LRRC74A: variants seen among roughly 807,000 people sequenced by gnomAD.
LRRC74A encodes leucine-rich repeat-containing protein 74A.
Under a neutral mutation model 57.9 loss-of-function variants are expected in LRRC74A, and 44 were observed. That is an observed-to-expected ratio of 0.76 (90% CI 0.60 to 0.98). LRRC74A has a LOEUF of 0.98. Ranked by LOEUF, LRRC74A falls within the 50% of genes least tolerant of loss-of-function variation. The pLI, the probability that LRRC74A is intolerant of heterozygous loss-of-function variation, is 0.00. For missense variants in LRRC74A, 572 were observed against 574.0 expected (o/e 1.00, Z 0.04); for synonymous variants, 211 against 219.4 (o/e 0.96, Z 0.34).
intron 11 of LRRC74A, among the ~76,000 whole-genome samples, chr14:76,862,443 TCGC>T (rs1898384113): frequency 6.6e-6 from 1 of 151,808 alleles, no homozygotes; most frequent in Non-Finnish European, 1.5e-5. Flanking sequence ...GGCACAAGAA[TCGC>T]TCGACGCTTG....
chr14:76,856,748 GTGGA>G lies in LRRC74A; in HGVS notation c.958-613_958-610del, dbSNP rs761581286. Among the ~76,000 whole-genome samples, 51 of 146,966 alleles carry G rather than the reference GTGGA, an allele frequency of 3.5e-4. 1 individual carries two copies. The highest frequency in any genetic ancestry group is 1.4e-3 in the Admixed American group (20 of 14,694). On this transcript the variant is annotated intron_variant, in intron 9 of 13. Transcript: ENST00000689127. The stretch of plus-strand genomic sequence containing the variant: ...GATGAGCAGTGAGATGGATAAGTGA[GTGGA>G]TGGATGGATGGATGGATGAGCAGTG...
intron 10 of LRRC74A, among the ~76,000 whole-genome samples, chr14:76,860,237 C>A (rs1055878249): frequency 1.3e-5 from 2 of 152,202 alleles, no homozygotes; most frequent in East Asian, 1.9e-4. Context: ...TCCTACAAAC[C>A]AGCTCTGAGG....
intron 5 of LRRC74A, among the ~76,000 whole-genome samples, chr14:76,838,653 G>C (rs1896538184): frequency 6.6e-6 from 1 of 152,152 alleles, no homozygotes; most frequent in African/African-American, 2.4e-5. Flanking sequence ...TAACTCCTAA[G>C]AAAGGTATAT....
intron 5 of LRRC74A, among the ~76,000 whole-genome samples, chr14:76,839,514 A>T (rs767115984): frequency 6.6e-6 from 1 of 152,236 alleles, no homozygotes; most frequent in Non-Finnish European, 1.5e-5. Flanking sequence ...TGTGAAGATT[A>T]AGTGAATTAA....
At chr14:76,829,971 G>A (rs1895857070) in intron 2 of LRRC74A, among the ~76,000 whole-genome samples, 1 of 152,150 alleles carries the variant, frequency 6.6e-6, no homozygotes, top group South Asian at 2.1e-4. Flanking sequence ...TGCACCAAGG[G>A]GACATTGGGC....
At chr14:76,856,796 A>ATGGG in intron 9 of LRRC74A, among the ~76,000 whole-genome samples, 1 of 147,136 alleles carries the variant, frequency 6.8e-6, no homozygotes, top group Non-Finnish European at 1.5e-5. Context: ...AAGTGAGTGG[A>ATGGG]TGGATGGATG....
intron 7 of LRRC74A, among the ~76,000 whole-genome samples, chr14:76,845,237 T>C (rs755681977): frequency 7.9e-5 from 12 of 151,992 alleles, no homozygotes; most frequent in South Asian, 2.1e-4. Context: ...GGTGGGAGGA[T>C]TCCTTGATCC....
chr14:76,841,415 A>C (rs189443126), intron 5 of LRRC74A, among the ~76,000 whole-genome samples: 12 of 152,324 alleles, frequency 7.9e-5, no homozygotes, highest in African/African-American at 2.9e-4. Flanking sequence ...TTTTTTTCAA[A>C]GTAATCTTGA....
chr14:76,852,652 TC>T (rs1897588164), intron 8 of LRRC74A, among the ~76,000 whole-genome samples: 1 of 145,078 alleles, frequency 6.9e-6, no homozygotes, highest in Non-Finnish European at 1.5e-5. Context: ...GGAGTCTTGC[TC>T]TGTGGCCCGG....
chr14:76,866,040 A>T lies in LRRC74A; in HGVS notation c.1273A>T (p.Met425Leu). The change falls in exon 12 of 14, where the codon ATG becomes TTG. Residue 425 changes from methionine to leucine, a missense_variant. Coordinates refer to ENST00000689127, the MANE Select transcript of LRRC74A (RefSeq NM_001385106.1). ...CTTGAACCCCACTGGGACAATGAAG[A>T]TGTCTGTGGATGAGTTCCAGAAAGT... is the stretch of plus-strand genomic sequence containing the variant. The part of the protein sequence containing the change: ...KSLNPTGTMK[M>L]SVDEFQKVMI... 1 of 1,590,410 alleles carries T rather than the reference A, an allele frequency of 6.3e-7. No individual in the cohort carries two copies. The highest frequency in any genetic ancestry group is 8.6e-7 in the Non-Finnish European group (1 of 1,161,920).
At chr14:76,843,760 G>A (rs2140279064) in intron 5 of LRRC74A, among the ~76,000 whole-genome samples, 1 of 152,148 alleles carries the variant, frequency 6.6e-6, no homozygotes, top group South Asian at 2.1e-4. Flanking sequence ...GGAGTGCAGT[G>A]GCGTTGTGAT....
chr14:76,845,146 A>T (rs1897038061), intron 7 of LRRC74A, among the ~76,000 whole-genome samples: 1 of 152,104 alleles, frequency 6.6e-6, no homozygotes, highest in African/African-American at 2.4e-5. Context: ...CAACACAGGG[A>T]CACCCTGTCT....
intron 12 of LRRC74A, 23 bp downstream of exon 12, chr14:76,866,098 C>T: frequency 1.4e-6 from 2 of 1,460,936 alleles, no homozygotes; most frequent in Non-Finnish European, 1.9e-6. Context: ...CTAGTGGCAA[C>T]AGGCTGTGTG....
chr14:76,856,862 G>A (rs1260881241), intron 9 of LRRC74A, among the ~76,000 whole-genome samples: 3 of 151,642 alleles, frequency 2.0e-5, no homozygotes, highest in Admixed American at 1.3e-4. Context: ...TGGACAGGTG[G>A]ATGAATAGAT....
intron 13 of LRRC74A, among the ~76,000 whole-genome samples, chr14:76,869,029 C>G (rs891895661): frequency 6.6e-6 from 1 of 152,210 alleles, no homozygotes; most frequent in African/African-American, 2.4e-5. Flanking sequence ...CCTGCTACCA[C>G]CGGGCCTCCC....
chr14:76,844,440 G>C lies in LRRC74A; in HGVS notation c.562G>C (p.Asp188His). The C allele has an allele frequency of 6.2e-7, 1 of 1,612,692 alleles. No individual in the cohort carries two copies. Residue 188 changes from aspartate to histidine, a missense_variant, in exon 6 of 14, where the codon GAC becomes CAC. Transcript: ENST00000689127. The part of the protein sequence containing the change: ...LELSGNDFKE[D>H]SAALLCQALS... ...CACTACAGGAAATGACTTCAAGGAA[G>C]ACTCCGCAGCACTGCTCTGCCAAGC... is the stretch of plus-strand genomic sequence containing the variant.
At chr14:76,856,624 T>A (rs1452865535) in intron 9 of LRRC74A, among the ~76,000 whole-genome samples, 1 of 148,732 alleles carries the variant, frequency 6.7e-6, no homozygotes, top group Non-Finnish European at 1.5e-5. Context: ...GATGAGTAGA[T>A]GAGATGGTTG....
intron 13 of LRRC74A, 82 bp downstream of exon 13, chr14:76,867,520 C>A: frequency 2.7e-6 from 2 of 738,616 alleles, no homozygotes; most frequent in African/African-American, 1.7e-5. Flanking sequence ...GCTTTCCTGT[C>A]TACACTTTAT....
chr14:76,864,421 GGGT>G (rs1466790840), intron 11 of LRRC74A, among the ~76,000 whole-genome samples: 975 of 96,820 alleles, frequency 0.01, no homozygotes, highest in African/African-American at 0.012. Flanking sequence ...GGGGGGGGGG[GGGT>G]GGCGGGGGGA....
Sources: allele counts gnomAD v4.1 joint callset (sites outside exome capture counted in the v4.1 genomes callset), GRCh38; gene constraint gnomAD v4.1.1; transcripts MANE v1.5; gene names NCBI Gene and HGNC (gene_info 2026-07-23, HGNC 2026-07-21).